CSRNP3: variants seen among roughly 807,000 people sequenced by gnomAD.
The protein encoded by CSRNP3 is cysteine/serine-rich nuclear protein 3.
A neutral mutation model predicts 48.0 loss-of-function variants in CSRNP3; 12 were observed. The observed-to-expected ratio is 0.25, with a 90% CI of 0.16 to 0.41. CSRNP3 has a LOEUF of 0.41. CSRNP3 is among the 10% of genes least tolerant of loss of function. The pLI is 1.00. For synonymous variants in CSRNP3, 263 were observed against 269.7 expected, an observed-to-expected ratio of 0.98 and a Z score of 0.24; for missense variants, 580 against 724.4, an observed-to-expected ratio of 0.80 and a Z score of 2.29.
intron 2 of CSRNP3, among the ~76,000 whole-genome samples, chr2:165,501,310 G>A (rs1272178744): frequency 1.3e-5 from 2 of 152,152 alleles, no homozygotes; most frequent in African/African-American, 4.8e-5. Flanking sequence ...GAAAAGTTAT[G>A]TGTTTTTAAA....
rs562405815 is a variant in CSRNP3, at chr2:165,480,791, AAT to A, written c.-283+11059_-283+11060del. Among the ~76,000 whole-genome samples, 772 of 125,302 alleles carry A rather than the reference AAT, an allele frequency of 6.2e-3. 5 individuals are homozygous for A. Among genetic ancestry groups the A allele is most frequent in the African/African-American group, 0.02 (737 of 36,342 alleles). The allele number at this position is 125,302 out of a possible 152,430, so 82.2% of individuals were successfully genotyped here. On this transcript the variant is annotated intron_variant, in intron 1 of 6. Coordinates refer to ENST00000651982, the MANE Select transcript of CSRNP3 (RefSeq NM_001172173.2). ...ATAAAATTTTATATATTATATATAT[AAT>A]ATATATAATATAAAAATATATGTAA...
At chr2:165,619,565 T>C (rs1330614673) in intron 4 of CSRNP3, among the ~76,000 whole-genome samples, 1 of 151,712 alleles carries the variant, frequency 6.6e-6, no homozygotes, top group African/African-American at 2.4e-5. Context: ...ATTTACAAAA[T>C]CAATTATAAA....
intron 3 of CSRNP3, among the ~76,000 whole-genome samples, chr2:165,583,887 A>G (rs1353507269): frequency 1.3e-5 from 2 of 152,170 alleles, no homozygotes; most frequent in Non-Finnish European, 2.9e-5. Flanking sequence ...TGGATCTCAC[A>G]CAAGAAGGAA....
intron 1 of CSRNP3, among the ~76,000 whole-genome samples, chr2:165,487,529 T>G (rs1463427876): frequency 6.8e-6 from 1 of 147,804 alleles, no homozygotes; most frequent in Non-Finnish European, 1.5e-5. Context: ...GAAAAAATGT[T>G]AAGGGCAGCC....
intron 3 of CSRNP3, among the ~76,000 whole-genome samples, chr2:165,549,230 A>G (rs1685068412): frequency 6.6e-6 from 1 of 152,064 alleles, no homozygotes; most frequent in South Asian, 2.1e-4. Context: ...TAGGGAATCT[A>G]TACCTCAGAA....
chr2:165,593,750 T>C (rs1337544331), intron 3 of CSRNP3, among the ~76,000 whole-genome samples: 2 of 152,202 alleles, frequency 1.3e-5, no homozygotes, highest in Non-Finnish European at 2.9e-5. Flanking sequence ...ATGTCTTCAA[T>C]TCCTCAGGTG....
intron 3 of CSRNP3, among the ~76,000 whole-genome samples, chr2:165,580,072 G>A (rs1000001242): frequency 1.3e-5 from 2 of 151,896 alleles, no homozygotes; most frequent in South Asian, 2.1e-4. Flanking sequence ...GGGACTACAG[G>A]CGCCTGCCAC....
chr2:165,605,644 A>G (rs1391392536), intron 4 of CSRNP3, among the ~76,000 whole-genome samples: 1 of 152,176 alleles, frequency 6.6e-6, no homozygotes, highest in Non-Finnish European at 1.5e-5. Context: ...TATGATTGCC[A>G]CTGTGCTACA....
chr2:165,638,819 A>T (rs923576292), intron 4 of CSRNP3, among the ~76,000 whole-genome samples: 5 of 152,194 alleles, frequency 3.3e-5, no homozygotes, highest in African/African-American at 1.2e-4. Context: ...TTGTTGGGAA[A>T]TGTCCTCTGA....
intron 5 of CSRNP3, among the ~76,000 whole-genome samples, chr2:165,669,795 A>G (rs1429804043): frequency 6.6e-6 from 1 of 152,296 alleles, no homozygotes; most frequent in East Asian, 1.9e-4. Context: ...AAGCATACAC[A>G]CATGTGCATG....
Position 165,679,539 on chromosome 2 carries a change from G to C in CSRNP3, c.1544G>C (p.Cys515Ser). 6.2e-7 allele frequency: 1 copy of C among 1,613,814 alleles called. No homozygotes were observed. Among genetic ancestry groups the C allele is most frequent in the Non-Finnish European group, 8.5e-7 (1 of 1,179,960 alleles). ...SSSENDSGVP[C>S]NSLYPEHRSN... Reference sequence around the variant, plus strand: ...TCCGAAAATGATAGCGGTGTGCCCTGCAATAGTTTATATCCTGAACACAGG... The same window carrying C: ...TCCGAAAATGATAGCGGTGTGCCCTCCAATAGTTTATATCCTGAACACAGG... The change falls in exon 7 of 7, where the codon TGC becomes TCC. Residue 515 changes from cysteine (C) to serine (S), a missense_variant. Around this residue, in one of 4 missense-constraint regions of CSRNP3, gnomAD observed 369 missense variants for 380.8 expected, o/e 0.97. Coordinates refer to ENST00000651982, the MANE Select transcript of CSRNP3 (RefSeq NM_001172173.2).
At chr2:165,542,505 T>C (rs1684971804) in intron 3 of CSRNP3, among the ~76,000 whole-genome samples, 1 of 152,148 alleles carries the variant, frequency 6.6e-6, no homozygotes, top group Non-Finnish European at 1.5e-5. Context: ...TTTTAAGTTG[T>C]CAATAGTTTG....
intron 4 of CSRNP3, among the ~76,000 whole-genome samples, chr2:165,613,115 T>C (rs1486571297): frequency 6.6e-6 from 1 of 152,190 alleles, no homozygotes; most frequent in African/African-American, 2.4e-5. Flanking sequence ...AAAGCCATTC[T>C]AGTTGGAGTG....
At chr2:165,526,709 C>T (rs1004631579) in intron 3 of CSRNP3, among the ~76,000 whole-genome samples, 1 of 152,088 alleles carries the variant, frequency 6.6e-6, no homozygotes, top group Non-Finnish European at 1.5e-5. Context: ...GATACTTCAT[C>T]AATAAAGTAG....
rs144570009 is a variant in CSRNP3, at chr2:165,657,876, G to T, written c.264G>T (p.Gly88=). ...GCTTCACAAGTGTGCCCAGTCAAGGGGGAAGCACCCTGGGGATGTCCAGCC... is the reference window on the plus strand; with the variant it reads ...GCTTCACAAGTGTGCCCAGTCAAGGTGGAAGCACCCTGGGGATGTCCAGCC... ...RQGFTSVPSQ[G]GSTLGMSSRH... The change falls in exon 5 of 7, where the codon GGG becomes GGT. Residue 88 remains glycine, a synonymous_variant. Coordinates refer to ENST00000651982, the MANE Select transcript of CSRNP3 (RefSeq NM_001172173.2). The T allele has an allele frequency of 1.5e-4, 242 of 1,613,976 alleles. No individual in the cohort carries two copies. Among genetic ancestry groups the T allele is most frequent in the Non-Finnish European group, 2.0e-4 (237 of 1,180,026 alleles).
intron 5 of CSRNP3, among the ~76,000 whole-genome samples, chr2:165,674,806 G>A (rs1241516110): frequency 1.3e-5 from 2 of 150,572 alleles, no homozygotes; most frequent in Non-Finnish European, 1.5e-5. Context: ...GACCTCCCGG[G>A]CTCAAGTGAT....
intron 4 of CSRNP3, among the ~76,000 whole-genome samples, chr2:165,627,862 T>C (rs948857520): frequency 6.6e-6 from 1 of 152,164 alleles, no homozygotes; most frequent in Non-Finnish European, 1.5e-5. Context: ...ATGTTACACA[T>C]GTTCCTCCCA....
intron 3 of CSRNP3, among the ~76,000 whole-genome samples, chr2:165,573,358 A>T (rs866284974): frequency 1.3e-5 from 2 of 152,320 alleles, no homozygotes; most frequent in South Asian, 4.1e-4. Context: ...GTCTTTATGT[A>T]TATTTATAAA....
intron 4 of CSRNP3, among the ~76,000 whole-genome samples, chr2:165,595,625 GAGA>G (rs1456222074): frequency 6.6e-6 from 1 of 152,058 alleles, no homozygotes; most frequent in Non-Finnish European, 1.5e-5. Context: ...AGATTATGAT[GAGA>G]AGGAGTTTAG....
Sources: gnomAD v4.1 joint callset for allele counts (sites outside exome capture counted in the v4.1 genomes callset) on GRCh38, gnomAD v4.1.1 for gene constraint, gnomAD v4.1.1 regional missense constraint, MANE v1.5 for transcripts, NCBI Gene and HGNC (gene_info 2026-07-23, HGNC 2026-07-21) for gene names.